Variants in PCDHAC2 observed in about 807,000 individuals in gnomAD.
The protein encoded by PCDHAC2 is protocadherin alpha-C2.
Under a neutral mutation model 63.3 loss-of-function variants are expected in PCDHAC2, and 24 were observed. The ratio of observed to expected loss-of-function variants is 0.38; its 90% CI spans 0.27 to 0.53. The LOEUF is 0.53. Among genes scored for constraint, PCDHAC2 ranks in the 20% least tolerant of loss-of-function variants. PCDHAC2 has a pLI of 0.81. For synonymous variants in PCDHAC2, 569 were observed against 529.4 expected, an observed-to-expected ratio of 1.07 and a Z score of -1.03; for missense variants, 1,181 against 1,275.2, an observed-to-expected ratio of 0.93 and a Z score of 1.12.
intron 1 of PCDHAC2, among the ~76,000 whole-genome samples, chr5:140,972,821 G>A (rs372160406): frequency 3.3e-5 from 5 of 152,010 alleles, no homozygotes; most frequent in East Asian, 3.9e-4. Flanking sequence ...GCGCCACCAC[G>A]CCTGGCTAAT....
rs2096237719 is a variant in PCDHAC2 at position 140,968,310 on chromosome 5, G to T, written c.1544G>T (p.Gly515Val). 4 of 1,613,920 alleles carry T rather than the reference G, an allele frequency of 2.5e-6. No individual in the cohort carries two copies. Among genetic ancestry groups the T allele is most frequent in the Non-Finnish European group, 3.4e-6 (4 of 1,179,894 alleles). ...TYSLLEREIQ[G>V]LPVTSYVSIN... ...TCCCTTCTGGAGAGGGAGATTCAAG[G>T]GCTGCCAGTCACCTCCTATGTCTCC... The change falls in exon 1 of 4, where the codon GGG becomes GTG. Residue 515 changes from glycine to valine, a missense_variant. Coordinates refer to ENST00000289269, the MANE Select transcript of PCDHAC2 (RefSeq NM_018899.6).
chr5:140,968,526 C>G lies in PCDHAC2; in HGVS notation c.1760C>G (p.Ser587Trp). Residue 587 changes from serine (S) to tryptophan (W), a missense_variant, in exon 1 of 4, where the codon TCG (serine) becomes TGG (tryptophan). By Grantham distance (177) the Ser-to-Trp change is radical (BLOSUM62 -3). Around this residue, in one of 3 missense-constraint regions of PCDHAC2, gnomAD observed 968 missense variants for 1,073.5 expected, o/e 0.90. Coordinates refer to ENST00000289269, the MANE Select transcript of PCDHAC2 (RefSeq NM_018899.6). ...PHILYPTSTN[S>W]SAAFEMVPRT... ...ATTCTGTACCCTACCTCAACCAACT[C>G]GTCAGCAGCCTTCGAGATGGTGCCT... 3 of 1,614,200 alleles carry G rather than the reference C, an allele frequency of 1.9e-6. No homozygotes were observed. Among genetic ancestry groups the G allele is most frequent in the Middle Eastern group, 1.6e-4 (1 of 6,062 alleles).
intron 2 of PCDHAC2, 90 bp downstream of exon 2, chr5:140,979,097 C>T (rs2096835129): frequency 9.0e-6 from 14 of 1,547,204 alleles, no homozygotes; most frequent in African/African-American, 1.4e-5. Context: ...AAGCAGCTGT[C>T]AAAACTAAAA....
At chr5:140,982,414 G>A in intron 2 of PCDHAC2, 61 bp from the exon 3 acceptor site, 1 of 1,609,882 alleles carries the variant, frequency 6.2e-7, no homozygotes, top group Non-Finnish European at 8.5e-7. Flanking sequence ...TCTGAGGGTG[G>A]AAGAAGAGAT....
chr5:140,999,044 T>TTTC (rs1247197667), intron 3 of PCDHAC2, among the ~76,000 whole-genome samples: 1 of 152,342 alleles, frequency 6.6e-6, no homozygotes, highest in East Asian at 1.9e-4. Flanking sequence ...TCCAGTGTGC[T>TTTC]TTCCACCATG....
chr5:141,003,684 A>C (rs1425078507), intron 3 of PCDHAC2, among the ~76,000 whole-genome samples: 1 of 152,240 alleles, frequency 6.6e-6, no homozygotes, highest in Non-Finnish European at 1.5e-5. Flanking sequence ...TTCTGATTTT[A>C]AAATATATCC....
In PCDHAC2 at chr5:141,010,893, A is replaced by G. The variant is rs76323061; in HGVS notation, c.*956A>G. On this transcript the variant is annotated 3_prime_UTR_variant, in exon 4 of 4. Transcript: ENST00000289269. ...TAAATCTTTAAAGAGAAATATGAAT[A>G]CAATTCCCCTAAACTCTCCTCAAAA... is the stretch of plus-strand genomic sequence containing the variant. 0.018 allele frequency: 2,808 copies of G among 153,906 alleles called. 48 individuals are homozygous for G. The highest frequency in any genetic ancestry group is 0.029 in the Non-Finnish European group (1,995 of 68,040). 9.5% of individuals were successfully genotyped at this position (153,906 alleles called of 1,614,324 possible).
chr5:140,972,660 A>AT (rs11350929), intron 1 of PCDHAC2, among the ~76,000 whole-genome samples: 2,691 of 117,234 alleles, frequency 0.023, 50 homozygotes, highest in South Asian at 0.067. Context: ...AAGAAACCAA[A>AT]TTTTTTTTTT....
intron 3 of PCDHAC2, among the ~76,000 whole-genome samples, chr5:141,000,961 C>A (rs1207814885): frequency 6.6e-6 from 1 of 151,948 alleles, no homozygotes; most frequent in Non-Finnish European, 1.5e-5. Flanking sequence ...GTAATTTAAG[C>A]CTTCATATTC....
At chr5:140,972,091 C>G (rs1169233514) in intron 1 of PCDHAC2, among the ~76,000 whole-genome samples, 3 of 152,164 alleles carry the variant, frequency 2.0e-5, no homozygotes, top group African/African-American at 4.8e-5. Context: ...AGAGTAATTT[C>G]TGGCATAGAA....
At chr5:140,983,473 ATAG>A (rs746174585) in intron 3 of PCDHAC2, among the ~76,000 whole-genome samples, 7 of 152,242 alleles carry the variant, frequency 4.6e-5, no homozygotes, top group Admixed American at 6.5e-5. Flanking sequence ...CATGATGATA[ATAG>A]TAGTTACTAA....
At chr5:140,972,334 A>G (rs2153793460) in intron 1 of PCDHAC2, among the ~76,000 whole-genome samples, 1 of 151,024 alleles carries the variant, frequency 6.6e-6, no homozygotes, top group Admixed American at 6.6e-5. Flanking sequence ...TTTTTGGAAG[A>G]GATGGGGGTC....
intron 1 of PCDHAC2, among the ~76,000 whole-genome samples, chr5:140,973,010 T>C (rs2096567986): frequency 6.6e-6 from 1 of 152,080 alleles, no homozygotes; most frequent in Admixed American, 6.6e-5. Context: ...GGTCGTGGTG[T>C]TGTGATTGTT....
chr5:140,997,123 A>T (rs1409528818), intron 3 of PCDHAC2, among the ~76,000 whole-genome samples: 1 of 152,070 alleles, frequency 6.6e-6, no homozygotes, highest in African/African-American at 2.4e-5. Flanking sequence ...TCCCACATAC[A>T]CAATGCCCCC....
At chr5:140,982,453 C>T (rs1554244194) in intron 2 of PCDHAC2, 22 bp from the exon 3 acceptor site, 5 of 1,613,812 alleles carry the variant, frequency 3.1e-6, no homozygotes, top group African/African-American at 1.3e-5. Context: ...TAACCGTTAT[C>T]TGGGTCTGTG....
chr5:141,000,361 GTCTCTCTCTC>G lies in PCDHAC2; in HGVS notation c.2714-9240_2714-9231del, dbSNP rs148596731. Reference sequence around the variant, plus strand: ...CCTATCTCTCTCTCTGTCTCTCTCTGTCTCTCTCTCTCTCTCTCTCTCTCTCTCTCTCTCT... The same window carrying G: ...CCTATCTCTCTCTCTGTCTCTCTCTGTCTCTCTCTCTCTCTCTCTCTCTCT... On this transcript the variant is annotated intron_variant, in intron 3 of 3. Transcript: ENST00000289269. 0.019 allele frequency among the ~76,000 whole-genome samples: 511 copies of G among 26,396 alleles called. 13 individuals carry two copies. In the Middle Eastern group the frequency reaches 0.2, roughly 10 times the overall value. The allele number at this position is 26,396 out of a possible 152,430, so 17.3% of individuals were successfully genotyped here.
rs1477679213 is a variant in PCDHAC2 at position 140,967,043 on chromosome 5, G to T, written c.277G>T (p.Asp93Tyr). 1.2e-6 allele frequency: 2 copies of T among 1,611,990 alleles called. No homozygotes were observed. Among genetic ancestry groups the T allele is most frequent in the African/African-American group, 2.7e-5 (2 of 74,950 alleles). Residue 93 changes from aspartate (D) to tyrosine (Y), a missense_variant, in exon 1 of 4, where the codon GAC (aspartate) becomes TAC (tyrosine). Asp to Tyr is a radical substitution (Grantham distance 160, BLOSUM62 -3). Transcript: ENST00000289269. ...GCCCAGTCCGCGCTACCTGGAGCTG[G>T]ACCTGACGAGTGGAGCGCTCTTCGT... The part of the protein sequence containing the change: ...GAPSPRYLEL[D>Y]LTSGALFVNE...
In PCDHAC2 at chr5:141,011,214, T is replaced by C. The variant is rs2098419822; in HGVS notation, c.*1277T>C. On this transcript the variant is annotated 3_prime_UTR_variant, in exon 4 of 4. Transcript: ENST00000289269. ...ATTGTTTTCTCATACAGTGAGCAGA[T>C]TTTTCAATCTACTAATTCTGTGACT... 1 of 153,748 alleles carries C rather than the reference T, an allele frequency of 6.5e-6. No individual in the cohort carries two copies. Among genetic ancestry groups the C allele is most frequent in the African/African-American group, 2.4e-5 (1 of 41,448 alleles). The allele number at this position is 153,748 out of a possible 1,614,324, so 9.5% of individuals were successfully genotyped here. A position where few individuals can be genotyped will look rare whatever the true frequency, so the allele number is the denominator to read the frequency against.
chr5:141,009,938 G>T lies in PCDHAC2; in HGVS notation c.*1G>T, dbSNP rs781826815. The T allele has an allele frequency of 6.6e-5, 106 of 1,600,570 alleles. No individual in the cohort carries two copies. The highest frequency in any genetic ancestry group is 8.9e-5 in the Non-Finnish European group (105 of 1,175,516). ...CACGACTGACAACAGTGACCAGTGA[G>T]GTCCTCAAATGGAAACAAGCCACTT... On this transcript the variant is annotated 3_prime_UTR_variant, in exon 4 of 4. Coordinates refer to ENST00000289269, the MANE Select transcript of PCDHAC2 (RefSeq NM_018899.6).
Sources: allele counts gnomAD v4.1 joint callset (sites outside exome capture counted in the v4.1 genomes callset), GRCh38; gene constraint gnomAD v4.1.1; regional missense constraint gnomAD v4.1.1; transcripts MANE v1.5; gene names NCBI Gene and HGNC (gene_info 2026-07-23, HGNC 2026-07-21).